Variants in LINGO4 observed in about 807,000 individuals in gnomAD.
The protein encoded by LINGO4 is leucine-rich repeat and immunoglobulin-like domain-containing nogo receptor-interacting protein 4.
A neutral mutation model predicts 27.9 loss-of-function variants in LINGO4; 22 were observed. That is an observed-to-expected ratio of 0.79 (90% CI 0.56 to 1.13). The LOEUF (loss-of-function observed/expected upper bound fraction) is 1.13, where lower values mean the gene tolerates loss of function less well. Among genes scored for constraint, LINGO4 ranks in the 50% most tolerant of loss-of-function variants. LINGO4 has a pLI of 0.00. For synonymous variants in LINGO4, 306 were observed against 325.8 expected (o/e 0.94, Z 0.65); for missense variants, 706 against 739.4 (o/e 0.95, Z 0.52).
At position 151,802,613 on chromosome 1, in the gene LINGO4, C is replaced by T. The variant is rs375985264; in HGVS notation, c.92G>A (p.Cys31Tyr). Residue 31 changes from cysteine to tyrosine, a missense_variant, in exon 2 of 2, where the codon TGC becomes TAC. Physicochemically the swap from Cys to Tyr is radical, Grantham distance 194. Transcript: ENST00000368820. ...GGAGGTGCAGTCACACACAGCAGGG[C>T]AGCTGCCACCGCTCCCTCCAGGTAG... ...LLLPGGSGGS[C>Y]PAVCDCTSQP... 3 of 1,596,810 alleles carry T rather than the reference C, an allele frequency of 1.9e-6. No homozygotes were observed. The highest frequency in any genetic ancestry group is 2.7e-5 in the African/African-American group (2 of 74,658).
chr1:151,801,047 A>G lies in LINGO4; in HGVS notation c.1658T>C (p.Leu553Pro). The G allele has an allele frequency of 6.2e-7, 1 of 1,614,192 alleles. No homozygotes were observed. Among genetic ancestry groups the G allele is most frequent in the South Asian group, 1.1e-5 (1 of 91,082 alleles). Residue 553 changes from leucine to proline, a missense_variant, in exon 2 of 2, where the codon CTG (leucine) becomes CCG (proline). Transcript: ENST00000368820. The surrounding 1 kb of genome is among the most constrained non-coding windows in gnomAD (Gnocchi z 5.7). ...TTTGCCCTTGCTCCAAAGGGCAATC[A>G]GGCCAAAGCAGAGGGTCACTGAGGT... is the stretch of plus-strand genomic sequence containing the variant. ...FLTSVTLCFG[L>P]IALWSKGKGR...
At position 151,801,631 on chromosome 1, in the gene LINGO4, G is replaced by T. The variant is rs574650509; in HGVS notation, c.1074C>A (p.Asn358Lys). ...DKLVTLRLSG[N>K]PLTCDCRLLW... Reference sequence around the variant, plus strand: ...GGAGGCGGCAGTCACAGGTTAGGGGGTTGCCAGACAGCCTCAAGGTGACCA... The same window carrying T: ...GGAGGCGGCAGTCACAGGTTAGGGGTTTGCCAGACAGCCTCAAGGTGACCA... Residue 358 changes from asparagine (N) to lysine (K), a missense_variant, in exon 2 of 2, where the codon AAC becomes AAA. Transcript: ENST00000368820. The surrounding 1 kb of genome is among the most constrained non-coding windows in gnomAD (Gnocchi z 5.7). 18 of 1,614,060 alleles carry T rather than the reference G, an allele frequency of 1.1e-5. No individual in the cohort carries two copies. In the South Asian group the frequency reaches 2.0e-4, roughly 18 times the overall value.
chr1:151,801,973 C>A lies in LINGO4; in HGVS notation c.732G>T (p.Leu244=), dbSNP rs1391263363. ...TGAGCCCAACCAGGCTCCCAGGGTC[C>A]AGAGCCTCCAGAGATGGCCAGAGGT... is the stretch of plus-strand genomic sequence containing the variant. ...EIHLWPSLEA[L]DPGSLVGLNL... Residue 244 remains leucine (L), a synonymous_variant, in exon 2 of 2, where the codon CTG becomes CTT. Transcript: ENST00000368820. The surrounding 1 kb of genome is among the most constrained non-coding windows in gnomAD (Gnocchi z 5.7). 1.2e-6 allele frequency: 2 copies of A among 1,614,058 alleles called. No individual in the cohort carries two copies. Among genetic ancestry groups the A allele is most frequent in the Non-Finnish European group, 1.7e-6 (2 of 1,180,012 alleles).
intron 1 of LINGO4, among the ~76,000 whole-genome samples, chr1:151,804,252 A>G (rs577398086): frequency 5.3e-5 from 8 of 152,278 alleles, no homozygotes; most frequent in African/African-American, 1.7e-4. Flanking sequence ...ACTTGAGAGG[A>G]TTGTCCTAGT....
rs141742830 is a variant in LINGO4, at chr1:151,801,272, T to C, written c.1433A>G (p.Asp478Gly). 6.9e-5 allele frequency: 112 copies of C among 1,614,050 alleles called. 2 individuals carry two copies. In the South Asian group the frequency reaches 8.8e-4, roughly 13 times the overall value. The change falls in exon 2 of 2, where the codon GAC becomes GGC. Residue 478 changes from aspartate (D) to glycine (G), a missense_variant. Coordinates refer to ENST00000368820, the MANE Select transcript of LINGO4 (RefSeq NM_001004432.4). The surrounding 1 kb of genome is among the most constrained non-coding windows in gnomAD (Gnocchi z 5.7). ...AACCACACAGACATAGGCCCCTCTG[T>C]CCCGTAGCTGCACTGAGCGGATCTC... Reference protein sequence around the residue: ...TLEIRSVQLRDRGAYVCVVSN... With the variant: ...TLEIRSVQLRGRGAYVCVVSN...
Position 151,800,995 on chromosome 1 carries a change from A to C in LINGO4, c.1710T>G (p.Phe570Leu). 6.2e-7 allele frequency: 1 copy of C among 1,614,154 alleles called. No individual in the cohort carries two copies. ...GKGRVKHHMT[F>L]DFVAPRPSGD... ...CAGAGGGCCGAGGTGCCACAAAGTCAAAGGTCATGTGATGTTTGACCCGAC... is the reference window on the plus strand; with the variant it reads ...CAGAGGGCCGAGGTGCCACAAAGTCCAAGGTCATGTGATGTTTGACCCGAC... The change falls in exon 2 of 2, where the codon TTT (phenylalanine) becomes TTG (leucine). Residue 570 changes from phenylalanine (F) to leucine (L), a missense_variant. Physicochemically the swap from Phe to Leu is conservative, Grantham distance 22. Transcript: ENST00000368820.
chr1:151,801,962 C>A lies in LINGO4; in HGVS notation c.743G>T (p.Ser248Ile), dbSNP rs1361779632. Residue 248 changes from serine (S) to isoleucine (I), a missense_variant, in exon 2 of 2, where the codon AGC (serine) becomes ATC (isoleucine). Ser to Ile is a moderately radical substitution (Grantham distance 142). Transcript: ENST00000368820. This position sits in a 1 kb window ranked among gnomAD's most constrained non-coding sequence, Gnocchi z 5.7. ...GCTGCTGAGATTGAGCCCAACCAGG[C>A]TCCCAGGGTCCAGAGCCTCCAGAGA... is the stretch of plus-strand genomic sequence containing the variant. Reference protein sequence around the residue: ...WPSLEALDPGSLVGLNLSSLA... With the variant: ...WPSLEALDPGILVGLNLSSLA... 6.2e-7 allele frequency: 1 copy of A among 1,614,194 alleles called. No individual in the cohort carries two copies.
In LINGO4 at chr1:151,802,161, A is replaced by G. The variant is rs928838237; in HGVS notation, c.544T>C (p.Leu182=). The change falls in exon 2 of 2, where the codon TTG becomes CTG. Residue 182 remains leucine (L), a synonymous_variant. Transcript: ENST00000368820. ...CAGCGCTCCAGGGTGAGGGTGCTCAACTTGGCTAGCCCTGCAAAGGCCCCC... is the reference window on the plus strand; with the variant it reads ...CAGCGCTCCAGGGTGAGGGTGCTCAGCTTGGCTAGCCCTGCAAAGGCCCCC... ...APGAFAGLAK[L]STLTLERCNL... 3.7e-6 allele frequency: 6 copies of G among 1,613,852 alleles called. No homozygotes were observed. Among genetic ancestry groups the G allele is most frequent in the East Asian group, 2.2e-5 (1 of 44,880 alleles).
At chr1:151,804,414 G>T (rs1482554154) in intron 1 of LINGO4, among the ~76,000 whole-genome samples, 1 of 152,242 alleles carries the variant, frequency 6.6e-6, no homozygotes, top group African/African-American at 2.4e-5. Flanking sequence ...CATGCCCAGA[G>T]CTCTCCCGGG....
intron 1 of LINGO4, 42 bp downstream of exon 1, chr1:151,805,188 A>G (rs954646258): frequency 6.5e-6 from 1 of 153,146 alleles, no homozygotes; most frequent in Non-Finnish European, 1.5e-5. Context: ...TGTTATGGAA[A>G]AGGGCGGCTG....
At position 151,801,416 on chromosome 1, in the gene LINGO4, T is replaced by C. The variant is rs151314305; in HGVS notation, c.1289A>G (p.His430Arg). 4.3e-6 allele frequency: 7 copies of C among 1,614,034 alleles called. No homozygotes were observed. The highest frequency in any genetic ancestry group is 2.7e-5 in the African/African-American group (2 of 74,942). ...ATCTCCAGAGCAGGAGAAAACCGCA[T>C]GCCCGCCCTCCTCTGCAATGACCCA... ...PRWVIAEEGG[H>R]AVFSCSGDGD... Residue 430 changes from histidine (H) to arginine (R), a missense_variant, in exon 2 of 2, where the codon CAT (histidine) becomes CGT (arginine). Physicochemically the swap from His to Arg is conservative, Grantham distance 29. Coordinates refer to ENST00000368820, the MANE Select transcript of LINGO4 (RefSeq NM_001004432.4). This position sits in a 1 kb window ranked among gnomAD's most constrained non-coding sequence, Gnocchi z 5.7.
chr1:151,803,847 C>T (rs368663885), intron 1 of LINGO4, among the ~76,000 whole-genome samples: 2 of 152,082 alleles, frequency 1.3e-5, no homozygotes, highest in Admixed American at 1.3e-4. Context: ...CGGGAACCCT[C>T]AGGAAGATGG....
chr1:151,802,623 C>G lies in LINGO4; in HGVS notation c.82G>C (p.Gly28Arg), dbSNP rs779992792. ...TCACACACAGCAGGGCAGCTGCCAC[C>G]GCTCCCTCCAGGTAGGAGGAGGAGG... ...LFLLLLPGGS[G>R]GSCPAVCDCT... The change falls in exon 2 of 2, where the codon GGT (glycine) becomes CGT (arginine). Residue 28 changes from glycine to arginine, a missense_variant. Gly to Arg is a moderately radical substitution (Grantham distance 125, BLOSUM62 -2). Coordinates refer to ENST00000368820, the MANE Select transcript of LINGO4 (RefSeq NM_001004432.4). 1 of 1,593,684 alleles carries G rather than the reference C, an allele frequency of 6.3e-7. No homozygotes were observed. The highest frequency in any genetic ancestry group is 8.5e-7 in the Non-Finnish European group (1 of 1,169,752).
chr1:151,805,017 G>A (rs938232600), intron 1 of LINGO4, among the ~76,000 whole-genome samples: 2 of 152,318 alleles, frequency 1.3e-5, no homozygotes, highest in African/African-American at 4.8e-5. Flanking sequence ...GGAGATGGAA[G>A]GGAGGTCTCC....
rs779616310 is a variant in LINGO4 at position 151,801,119 on chromosome 1, C to T, written c.1586G>A (p.Ser529Asn). ...TGCCAGCACCATGGCCACACCTCTG[C>T]TATCCAGAAAAAAAGGCCCTGGGAT... ...PGIPGPFFLD[S>N]RGVAMVLAVG... The change falls in exon 2 of 2, where the codon AGC (serine) becomes AAC (asparagine). Residue 529 changes from serine to asparagine, a missense_variant. Transcript: ENST00000368820. This position sits in a 1 kb window ranked among gnomAD's most constrained non-coding sequence, Gnocchi z 5.7. The T allele has an allele frequency of 7.4e-6, 12 of 1,614,050 alleles. No individual in the cohort carries two copies. The African/African-American group carries it at 8.0e-5, about 11-fold the overall frequency.
rs538232735 is a variant in LINGO4, at chr1:151,801,557, G to T, written c.1148C>A (p.Pro383His). The change falls in exon 2 of 2, where the codon CCT becomes CAT. Residue 383 changes from proline (P) to histidine (H), a missense_variant. Pro to His is a moderately conservative substitution (Grantham distance 77). Transcript: ENST00000368820. The surrounding 1 kb of genome is among the most constrained non-coding windows in gnomAD (Gnocchi z 5.7). The part of the protein sequence containing the change: ...RRHLDFGMSP[P>H]ACAGPHHVQG... ...GACATGATGGGGGCCAGCACAGGCA[G>T]GGGGGGACATGCCAAAGTCCAGGTG... 1.9e-6 allele frequency: 3 copies of T among 1,612,670 alleles called. No individual in the cohort carries two copies. The highest frequency in any genetic ancestry group is 1.7e-6 in the Non-Finnish European group (2 of 1,179,730).
chr1:151,802,768 G>A, intron 1 of LINGO4, 51 bp from the exon 2 acceptor site: 1 of 1,327,238 alleles, frequency 7.5e-7, no homozygotes, highest in East Asian at 2.5e-5. Context: ...TCAGATGACG[G>A]TGACCCTGGA....
Position 151,802,335 on chromosome 1 carries a change from C to G in LINGO4, c.370G>C (p.Gly124Arg). ...RLQGNRLRIM[G>R]PGVFSGLSAL... ...GAGAGGCCTGAGAAGACCCCAGGCC[C>G]CATGATTCTGAGCCGATTGCCCTGC... The change falls in exon 2 of 2, where the codon GGG (glycine) becomes CGG (arginine). Residue 124 changes from glycine to arginine, a missense_variant. Physicochemically the swap from Gly to Arg is moderately radical, Grantham distance 125 (BLOSUM62 -2). Transcript: ENST00000368820. The G allele has an allele frequency of 6.2e-7, 1 of 1,614,174 alleles. No homozygotes were observed. Among genetic ancestry groups the G allele is most frequent in the African/African-American group, 1.3e-5 (1 of 75,028 alleles).
rs775523772 is a variant in LINGO4, at chr1:151,802,254, C to T, written c.451G>A (p.Ala151Thr). ...LNQIVLFLDG[A>T]FGELGSLQKL... ...TGGAGGCTGCCTAGCTCCCCAAAAG[C>T]TCCATCTAGGAAGAGAACAATCTGG... Residue 151 changes from alanine to threonine, a missense_variant, in exon 2 of 2, where the codon GCT (alanine) becomes ACT (threonine). By Grantham distance (58) the Ala-to-Thr change is moderately conservative (BLOSUM62 0). Transcript: ENST00000368820. 1.2e-6 allele frequency: 2 copies of T among 1,614,230 alleles called. No individual in the cohort carries two copies. The highest frequency in any genetic ancestry group is 4.5e-5 in the East Asian group (2 of 44,886).
Sources: gnomAD v4.1 joint callset for allele counts (sites outside exome capture counted in the v4.1 genomes callset) on GRCh38, gnomAD v4.1.1 for gene constraint, Gnocchi (gnomAD v3.1) non-coding constraint, MANE v1.5 for transcripts, NCBI Gene and HGNC (gene_info 2026-07-23, HGNC 2026-07-21) for gene names.